SH3GL3: variants seen among roughly 807,000 people sequenced by gnomAD.
SH3GL3 encodes SH3 domain containing GRB2 like 3, endophilin A3, also known as endophilin-A3.
A neutral mutation model predicts 47.7 loss-of-function variants in SH3GL3; 33 were observed. The ratio of observed to expected loss-of-function variants is 0.69; its 90% CI spans 0.52 to 0.92. The LOEUF is 0.92. Among genes scored for constraint, SH3GL3 ranks in the 40% least tolerant of loss-of-function variants. The probability of loss-of-function intolerance (pLI) is 0.00; values close to 1 mark genes in which losing one functional copy is unlikely to be tolerated. For missense variants in SH3GL3, 363 were observed against 417.8 expected (o/e 0.87, Z 1.14); for synonymous variants, 155 against 148.8 (o/e 1.04, Z -0.30).
intron 6 of SH3GL3, 145 bp downstream of exon 6, chr15:83,576,886 T>A: frequency 2.8e-6 from 1 of 352,640 alleles, no homozygotes; most frequent in Non-Finnish European, 5.2e-6. Context: ...ACACTAATAC[T>A]AATAATAGCT....
intron 1 of SH3GL3, among the ~76,000 whole-genome samples, chr15:83,487,856 A>G (rs1252029247): frequency 6.9e-6 from 1 of 145,110 alleles, no homozygotes; most frequent in Non-Finnish European, 1.5e-5. Context: ...TTCTTTTTTT[A>G]ATTTTCTTTT....
chr15:83,586,829 T>C (rs1175044624), intron 6 of SH3GL3, among the ~76,000 whole-genome samples, 154 bp from the exon 7 acceptor site: 1 of 152,226 alleles, frequency 6.6e-6, no homozygotes, highest in African/African-American at 2.4e-5. Context: ...CCTGTATGAT[T>C]ATTATACAGA....
intron 3 of SH3GL3, 26 bp from the exon 4 acceptor site, chr15:83,568,503 G>C: frequency 6.3e-7 from 1 of 1,598,896 alleles, no homozygotes; most frequent in Non-Finnish European, 8.6e-7. Context: ...TAACTTTAAA[G>C]AATTACAAAT....
At chr15:83,462,540 A>G (rs189799443) in intron 1 of SH3GL3, among the ~76,000 whole-genome samples, 21 of 152,336 alleles carry the variant, frequency 1.4e-4, no homozygotes, top group African/African-American at 4.8e-4. Flanking sequence ...GGCTATGCCA[A>G]GTCTTACCCA....
chr15:83,497,817 T>C (rs979029906), intron 1 of SH3GL3, among the ~76,000 whole-genome samples: 3 of 152,222 alleles, frequency 2.0e-5, no homozygotes, highest in Admixed American at 6.5e-5. Context: ...CAGCAGGCAT[T>C]TGTGTCTTTA....
intron 1 of SH3GL3, among the ~76,000 whole-genome samples, chr15:83,501,499 G>A (rs1025693744): frequency 1.3e-5 from 2 of 152,188 alleles, no homozygotes; most frequent in Non-Finnish European, 1.5e-5. Context: ...ATCGCAAGAG[G>A]AACAGACACT....
intron 1 of SH3GL3, among the ~76,000 whole-genome samples, chr15:83,489,942 A>G (rs1029018169): frequency 2.6e-5 from 4 of 152,200 alleles, no homozygotes; most frequent in Admixed American, 1.3e-4. Flanking sequence ...TAGATGACAG[A>G]TAGATGATAG....
chr15:83,532,818 T>C (rs2043740158), intron 1 of SH3GL3, among the ~76,000 whole-genome samples: 1 of 152,200 alleles, frequency 6.6e-6, no homozygotes. Context: ...TGCAGCCTCA[T>C]ACATGTTCAT....
chr15:83,566,626 A>T (rs2045560982), intron 3 of SH3GL3, among the ~76,000 whole-genome samples: 1 of 152,218 alleles, frequency 6.6e-6, no homozygotes, highest in Non-Finnish European at 1.5e-5. Flanking sequence ...CATTTTCAAA[A>T]TTAGCCAGGT....
chr15:83,507,255 A>G (rs1426314430), intron 1 of SH3GL3, among the ~76,000 whole-genome samples: 2 of 151,848 alleles, frequency 1.3e-5, no homozygotes, highest in Non-Finnish European at 2.9e-5. Flanking sequence ...TGATCCGCCC[A>G]CCTCGACCTC....
intron 3 of SH3GL3, 92 bp from the exon 4 acceptor site, chr15:83,568,437 A>T: frequency 3.4e-6 from 3 of 880,744 alleles, no homozygotes; most frequent in Non-Finnish European, 5.4e-6. Context: ...GTTTAAGGTG[A>T]CCTCAGTTTT....
At chr15:83,594,575 C>T (rs1391500952) in intron 8 of SH3GL3, among the ~76,000 whole-genome samples, 1 of 152,198 alleles carries the variant, frequency 6.6e-6, no homozygotes. Context: ...TCCAGAATAG[C>T]ACGTTGCATT....
intron 2 of SH3GL3, among the ~76,000 whole-genome samples, chr15:83,564,164 A>AT (rs986547924): frequency 1.3e-5 from 2 of 152,028 alleles, no homozygotes; most frequent in African/African-American, 4.8e-5. Context: ...TTATAGTCTG[A>AT]TTTTTTTAGG....
intron 3 of SH3GL3, among the ~76,000 whole-genome samples, chr15:83,568,082 A>G (rs2045641881): frequency 6.6e-6 from 1 of 151,134 alleles, no homozygotes; most frequent in South Asian, 2.1e-4. Context: ...TCCCGGGTTC[A>G]AGCAATTCTC....
chr15:83,576,893 A>G, intron 6 of SH3GL3, 152 bp downstream of exon 6: 1 of 378,602 alleles, frequency 2.6e-6, no homozygotes, highest in Non-Finnish European at 4.7e-6. Flanking sequence ...TACTAATAAT[A>G]GCTGATGAGC....
At chr15:83,575,708 G>A (rs927924107) in intron 5 of SH3GL3, among the ~76,000 whole-genome samples, 1 of 152,220 alleles carries the variant, frequency 6.6e-6, no homozygotes, top group Non-Finnish European at 1.5e-5. Context: ...CTGAGTCATG[G>A]AAGTTAGAAG....
chr15:83,525,980 CT>C (rs1215494272), intron 1 of SH3GL3, among the ~76,000 whole-genome samples: 1 of 152,050 alleles, frequency 6.6e-6, no homozygotes, highest in Non-Finnish European at 1.5e-5. Flanking sequence ...GTTATTTTTG[CT>C]CAGGATTGCA....
intron 1 of SH3GL3, among the ~76,000 whole-genome samples, chr15:83,557,141 A>C (rs566979431): frequency 6.6e-6 from 1 of 152,306 alleles, no homozygotes; most frequent in East Asian, 1.9e-4. Flanking sequence ...GCCTGTGGCC[A>C]CTTTTGTACT....
intron 1 of SH3GL3, among the ~76,000 whole-genome samples, chr15:83,499,839 C>A (rs190199881): frequency 6.6e-6 from 1 of 152,312 alleles, no homozygotes; most frequent in East Asian, 1.9e-4. Context: ...ACAACAATTA[C>A]ACAGTAGGGC....
Sources: allele counts gnomAD v4.1 joint callset (sites outside exome capture counted in the v4.1 genomes callset), GRCh38; gene constraint gnomAD v4.1.1; transcripts MANE v1.5; gene names NCBI Gene and HGNC (gene_info 2026-07-23, HGNC 2026-07-21).